Variants in GGNBP2 observed in about 807,000 individuals in gnomAD.
The protein encoded by GGNBP2 is gametogenetin binding protein 2.
Under a neutral mutation model 85.9 loss-of-function variants are expected in GGNBP2, and 10 were observed. The ratio of observed to expected loss-of-function variants is 0.12; its 90% CI spans 0.07 to 0.20. GGNBP2 has a LOEUF of 0.20. GGNBP2 is among the 10% of genes least tolerant of loss of function. The pLI, the probability that GGNBP2 is intolerant of heterozygous loss-of-function variation, is 1.00. For synonymous variants in GGNBP2, 287 were observed against 285.7 expected, an observed-to-expected ratio of 1.00 and a Z score of -0.05; for missense variants, 595 against 857.8, an observed-to-expected ratio of 0.69 and a Z score of 3.83.
Position 36,545,794 on chromosome 17 carries a change from C to G in GGNBP2, c.70C>G (p.Leu24Val). 1 of 1,572,170 alleles carries G rather than the reference C, an allele frequency of 6.4e-7. No individual in the cohort carries two copies. The part of the protein sequence containing the change: ...EFPFERRQIP[L>V]YIDDTLTMVM... ...CCCCTTCGAGAGGAGGCAGATTCCC[C>G]TCTACATAGACGACACCCTGACGGT... is the stretch of plus-strand genomic sequence containing the variant. The change falls in exon 2 of 14, where the codon CTC becomes GTC. Residue 24 changes from leucine to valine, a missense_variant. By Grantham distance (32) the Leu-to-Val change is conservative. This residue lies in a region of GGNBP2 where 216 missense variants were observed against 293.4 expected (regional missense o/e 0.74). Transcript: ENST00000613102.
intron 2 of GGNBP2, 21 bp downstream of exon 2, chr17:36,545,838 T>C (rs1034212233): frequency 5.4e-6 from 8 of 1,477,968 alleles, no homozygotes; most frequent in South Asian, 1.3e-5. Context: ...CGGGCCGGGC[T>C]GGGCCCGCCG....
chr17:36,560,336 G>A (rs1473033513), intron 4 of GGNBP2, among the ~76,000 whole-genome samples: 2 of 152,198 alleles, frequency 1.3e-5, no homozygotes, highest in South Asian at 2.1e-4. Context: ...TAGTAGTAGT[G>A]TGTATTCCAT....
intron 13 of GGNBP2, among the ~76,000 whole-genome samples, chr17:36,588,230 G>A (rs926404364): frequency 1.3e-5 from 2 of 152,108 alleles, no homozygotes; most frequent in Non-Finnish European, 2.9e-5. Flanking sequence ...AGTCCTGATG[G>A]AACCAAATCC....
At position 36,581,075 on chromosome 17, in the gene GGNBP2, G is replaced by A. The variant is rs1031151969; in HGVS notation, c.1021-269G>A. 3.3e-5 allele frequency among the ~76,000 whole-genome samples: 5 copies of A among 151,796 alleles called. No individual in the cohort carries two copies. The South Asian group carries it at 1.0e-3, about 32-fold the overall frequency. On this transcript the variant is annotated intron_variant, in intron 8 of 13. Coordinates refer to ENST00000613102, the MANE Select transcript of GGNBP2 (RefSeq NM_024835.5). ...TGAGGCGGGTGGATCACGAGGTCAG[G>A]AGATCGAGACCATCCTGGCTAACAC... is the stretch of plus-strand genomic sequence containing the variant.
At chr17:36,563,765 G>C (rs2074442655) in intron 5 of GGNBP2, among the ~76,000 whole-genome samples, 1 of 141,830 alleles carries the variant, frequency 7.1e-6, no homozygotes. Flanking sequence ...TTTTTTTTGA[G>C]ATGGAATTTC....
Position 36,585,491 on chromosome 17 carries a change from A to T in GGNBP2, c.1366+41A>T, listed in dbSNP as rs778846657. 15 of 1,366,202 alleles carry T rather than the reference A, an allele frequency of 1.1e-5. No homozygotes were observed. In the South Asian group the frequency reaches 1.8e-4, roughly 17 times the overall value. The allele number at this position is 1,366,202 out of a possible 1,614,324, so 84.6% of individuals were successfully genotyped here. A position where few individuals can be genotyped will look rare whatever the true frequency, so the allele number is the denominator to read the frequency against. ...CTTTTTAAAATGAACTCTTAACTCT[A>T]TTCTTTCTTACTGTTAAATGTAAGA... On this transcript the variant is annotated intron_variant, in intron 10 of 13. Transcript: ENST00000613102.
intron 3 of GGNBP2, among the ~76,000 whole-genome samples, chr17:36,555,881 AT>A (rs1239855648): frequency 4.6e-5 from 7 of 152,290 alleles, no homozygotes; most frequent in Middle Eastern, 6.8e-3. Context: ...CCTGTCAAAT[AT>A]TTTCGATCCT....
At chr17:36,574,884 C>A in intron 6 of GGNBP2, 1 of 746,972 alleles carries the variant, frequency 1.3e-6, no homozygotes, top group Admixed American at 2.0e-5. Context: ...ATGATGGCCC[C>A]GTGGATGGCA....
At chr17:36,545,914 GTGTGT>G in intron 2 of GGNBP2, 97 bp downstream of exon 2, 1 of 848,076 alleles carries the variant, frequency 1.2e-6, no homozygotes. Context: ...TGGAGAAAGA[GTGTGT>G]TGCAACTCCT....
rs182367577 is a variant in GGNBP2 at position 36,575,916 on chromosome 17, G to T, written c.642-2067G>T. Among the ~76,000 whole-genome samples the T allele has an allele frequency of 4.6e-3, 691 of 150,490 alleles. 3 individuals are homozygous for T. The highest frequency in any genetic ancestry group is 0.024 in the Middle Eastern group (7 of 292). Reference sequence around the variant, plus strand: ...CCCGCCTTTGCCTCCCAAAGGGCTGGGATTACAGACGTGAGCCACCGCGCC... The same window carrying T: ...CCCGCCTTTGCCTCCCAAAGGGCTGTGATTACAGACGTGAGCCACCGCGCC... On this transcript the variant is annotated intron_variant, in intron 6 of 13. Transcript: ENST00000613102.
chr17:36,564,576 G>A (rs1032457883), intron 5 of GGNBP2, among the ~76,000 whole-genome samples: 1 of 152,172 alleles, frequency 6.6e-6, no homozygotes, highest in African/African-American at 2.4e-5. Flanking sequence ...GGACTTAATT[G>A]ATCTTAAGTG....
intron 4 of GGNBP2, among the ~76,000 whole-genome samples, chr17:36,557,688 G>A (rs35751000): frequency 0.32 from 48,349 of 152,100 alleles, 8,895 homozygotes; most frequent in Non-Finnish European, 0.42. Context: ...AAACTGGGGG[G>A]AAGGCAGAGA....
At chr17:36,572,454 T>A (rs775316443) in intron 6 of GGNBP2, among the ~76,000 whole-genome samples, 12 of 152,196 alleles carry the variant, frequency 7.9e-5, no homozygotes, top group Admixed American at 2.6e-4. Flanking sequence ...TTTGGGAGAC[T>A]GAGGTGGGCG....
intron 5 of GGNBP2, among the ~76,000 whole-genome samples, chr17:36,566,985 G>A (rs914718977): frequency 1.8e-4 from 27 of 151,882 alleles, no homozygotes; most frequent in Admixed American, 1.3e-4. Context: ...GGGCAACATA[G>A]TAGAGACCTT....
Position 36,589,219 on chromosome 17 carries a change from A to G in GGNBP2, c.1902A>G (p.Glu634=). Residue 634 remains glutamate (E), a synonymous_variant, in exon 14 of 14, where the codon GAA becomes GAG. Transcript: ENST00000613102. ...GCTTTAATTTGCAGGATGAGTCTGA[A>G]TGTACTTCAGATGAGGAAATCTTTA... ...KSLVELLDES[E]CTSDEEIFIS... is the part of the protein sequence containing the mutation. The G allele has an allele frequency of 1.2e-6, 2 of 1,610,608 alleles. No homozygotes were observed. The highest frequency in any genetic ancestry group is 1.7e-6 in the Non-Finnish European group (2 of 1,177,414).
At chr17:36,582,028 C>G (rs1173082172) in intron 9 of GGNBP2, 1 of 152,122 alleles carries the variant, frequency 6.6e-6, no homozygotes, top group East Asian at 1.9e-4. Flanking sequence ...CAGGCTTACC[C>G]CACCAGGCCC....
chr17:36,577,582 G>C (rs1420047386), intron 6 of GGNBP2: 1 of 209,232 alleles, frequency 4.8e-6, no homozygotes, highest in Non-Finnish European at 9.8e-6. Context: ...TTCAGAGACT[G>C]GAAGGAGAGA....
At chr17:36,575,648 A>ATATATATATATATATTTTTTT (rs374366757) in intron 6 of GGNBP2, among the ~76,000 whole-genome samples, 2 of 54,910 alleles carry the variant, frequency 3.6e-5, no homozygotes, top group African/African-American at 1.1e-4. Flanking sequence ...ATATATATAT[A>ATATATATATATATATTTTTTT]TTTTTTTTTT....
At chr17:36,589,010 CAAG>C (rs2074731872) in intron 13 of GGNBP2, among the ~76,000 whole-genome samples, 195 bp from the exon 14 acceptor site, 1 of 152,262 alleles carries the variant, frequency 6.6e-6, no homozygotes, top group Non-Finnish European at 1.5e-5. Flanking sequence ...GGTTTCAACT[CAAG>C]GAGTTGGATT....
Sources: gnomAD v4.1 joint callset for allele counts (sites outside exome capture counted in the v4.1 genomes callset) on GRCh38, gnomAD v4.1.1 for gene constraint, gnomAD v4.1.1 regional missense constraint, MANE v1.5 for transcripts, NCBI Gene and HGNC (gene_info 2026-07-23, HGNC 2026-07-21) for gene names.